The following PCSK1 variants were observed in gnomAD, a reference collection of about 807,000 sequenced individuals.
PCSK1 encodes proprotein convertase subtilisin/kexin type 1.
A neutral mutation model predicts 90.6 loss-of-function variants in PCSK1; 56 were observed. That is an observed-to-expected ratio of 0.62 (90% CI 0.50 to 0.77). The LOEUF is 0.77. Ranked by LOEUF, PCSK1 falls within the 30% of genes least tolerant of loss-of-function variation. The pLI is 0.00. For synonymous variants in PCSK1, 348 were observed against 342.4 expected (o/e 1.02, Z -0.18); for missense variants, 801 against 932.6 (o/e 0.86, Z 1.84).
intron 9 of PCSK1, among the ~76,000 whole-genome samples, chr5:96,403,733 A>G (rs1386243780): frequency 6.6e-6 from 1 of 152,236 alleles, no homozygotes; most frequent in Non-Finnish European, 1.5e-5. Context: ...CTTAGGAGCT[A>G]TCTGGTTCAG....
At chr5:96,394,637 T>G (rs1760067134) in intron 13 of PCSK1, among the ~76,000 whole-genome samples, 1 of 152,214 alleles carries the variant, frequency 6.6e-6, no homozygotes, top group African/African-American at 2.4e-5. Flanking sequence ...TGTTAGGAAA[T>G]TTAATACTTT....
intron 9 of PCSK1, among the ~76,000 whole-genome samples, chr5:96,402,932 A>G (rs532987484): frequency 2.0e-5 from 3 of 152,252 alleles, no homozygotes; most frequent in Middle Eastern, 6.8e-3. Context: ...ATTTTATTGA[A>G]ATGCTTGCTT....
intron 13 of PCSK1, among the ~76,000 whole-genome samples, chr5:96,393,974 C>A (rs1428058252): frequency 6.6e-6 from 1 of 152,194 alleles, no homozygotes; most frequent in African/African-American, 2.4e-5. Flanking sequence ...ACAAGGTTAA[C>A]CTGCTTCCCA....
At chr5:96,415,759 C>T (rs1760919484) in intron 6 of PCSK1, among the ~76,000 whole-genome samples, 1 of 152,168 alleles carries the variant, frequency 6.6e-6, no homozygotes, top group East Asian at 1.9e-4. Flanking sequence ...TAAATCAGAA[C>T]ATAGAGAAAA....
intron 1 of PCSK1, among the ~76,000 whole-genome samples, chr5:96,431,733 G>T (rs1761505209): frequency 6.6e-6 from 1 of 152,224 alleles, no homozygotes; most frequent in South Asian, 2.1e-4. Flanking sequence ...CAGAGGGTTC[G>T]GTCTACAGAA....
rs1245519126 is a variant in PCSK1 at position 96,412,341 on chromosome 5, C to T, written c.859G>A (p.Ala287Thr). 1 of 1,614,064 alleles carries T rather than the reference C, an allele frequency of 6.2e-7. No individual in the cohort carries two copies. The highest frequency in any genetic ancestry group is 8.5e-7 in the Non-Finnish European group (1 of 1,180,034). ...VEGPGRLAQK[A>T]FEYGVKQGRQ... ...ACCTGTTTGACACCATATTCAAAAG[C>T]CTTCTGGGCTAGCCGGCCAGGCCCC... The change falls in exon 7 of 14, where the codon GCT becomes ACT. Residue 287 changes from alanine (A) to threonine (T), a missense_variant. Physicochemically the swap from Ala to Thr is moderately conservative, Grantham distance 58 (BLOSUM62 0). Transcript: ENST00000311106.
intron 12 of PCSK1, among the ~76,000 whole-genome samples, chr5:96,395,398 C>T (rs909917575): frequency 6.6e-6 from 1 of 152,194 alleles, no homozygotes; most frequent in Non-Finnish European, 1.5e-5. Context: ...TATAAACAAC[C>T]TCTAGCATTA....
At chr5:96,396,721 T>C (rs1247615269) in intron 12 of PCSK1, among the ~76,000 whole-genome samples, 7 of 152,226 alleles carry the variant, frequency 4.6e-5, no homozygotes, top group South Asian at 2.1e-4. Context: ...TTAAGCTATA[T>C]TTGGCTTTTT....
rs11956660 is a variant in PCSK1, at chr5:96,430,387, C to T, written c.181-1070G>A. ...TGTTCTTTAAATTGGTGATTCTCAT[C>T]GCCCAGAGAATTTTAAAATAGAGAA... On this transcript the variant is annotated intron_variant, in intron 1 of 13. Coordinates refer to ENST00000311106, the MANE Select transcript of PCSK1 (RefSeq NM_000439.5). Among the ~76,000 whole-genome samples, 1,415 of 152,260 alleles carry T rather than the reference C, an allele frequency of 9.3e-3. 27 individuals carry two copies. The highest frequency in any genetic ancestry group is 0.033 in the African/African-American group (1,364 of 41,538).
intron 1 of PCSK1, among the ~76,000 whole-genome samples, chr5:96,431,583 G>A (rs1232883964): frequency 6.6e-6 from 1 of 152,144 alleles, no homozygotes; most frequent in African/African-American, 2.4e-5. Context: ...CGAGGGCAAG[G>A]GCTGGCCAAA....
chr5:96,412,770 T>TTTTTTTTTTTTTTTTTTTTTTG (rs1760812081), intron 6 of PCSK1, among the ~76,000 whole-genome samples: 1 of 147,978 alleles, frequency 6.8e-6, no homozygotes, highest in African/African-American at 2.6e-5. Flanking sequence ...TTTTTTTTTT[T>TTTTTTTTTTTTTTTTTTTTTTG]TTTTTGGTCC....
At position 96,393,206 on chromosome 5, in the gene PCSK1, T is replaced by C; in HGVS notation, c.2057A>G (p.Lys686Arg). 6.2e-7 allele frequency: 1 copy of C among 1,614,154 alleles called. No homozygotes were observed. The highest frequency in any genetic ancestry group is 1.1e-5 in the South Asian group (1 of 91,070). Reference sequence around the variant, plus strand: ...GTTGAGCTTTGCACTTGGGGACTTCTTTGGTGATTGCTTTGGCGGTGAGTT... The same window carrying C: ...GTTGAGCTTTGCACTTGGGGACTTCCTTGGTGATTGCTTTGGCGGTGAGTT... The part of the protein sequence containing the change: ...SKNSPPKQSP[K>R]KSPSAKLNIP... The change falls in exon 14 of 14, where the codon AAG (lysine) becomes AGG (arginine). Residue 686 changes from lysine (K) to arginine (R), a missense_variant. Coordinates refer to ENST00000311106, the MANE Select transcript of PCSK1 (RefSeq NM_000439.5).
At chr5:96,414,204 C>A (rs965754359) in intron 6 of PCSK1, among the ~76,000 whole-genome samples, 1 of 151,762 alleles carries the variant, frequency 6.6e-6, no homozygotes, top group Admixed American at 6.6e-5. Flanking sequence ...AGCCAGTTAA[C>A]CCTCTGTGCC....
intron 13 of PCSK1, 114 bp from the exon 14 acceptor site, chr5:96,393,492 G>C: frequency 8.1e-7 from 1 of 1,234,128 alleles, no homozygotes; most frequent in Non-Finnish European, 1.2e-6. Context: ...GCAATGAGGG[G>C]AGGGGAGAGA....
chr5:96,414,928 G>T (rs940512759), intron 6 of PCSK1, among the ~76,000 whole-genome samples: 1 of 152,136 alleles, frequency 6.6e-6, no homozygotes, highest in Non-Finnish European at 1.5e-5. Flanking sequence ...ATGTCACGAT[G>T]TATATTTATT....
chr5:96,394,855 C>T lies in PCSK1; in HGVS notation c.1884+9G>A. On this transcript the variant is annotated intron_variant, in intron 13 of 13. Coordinates refer to ENST00000311106, the MANE Select transcript of PCSK1 (RefSeq NM_000439.5). ...AAAGAGAGCATGCCAAGAACAGAGC[C>T]ACACAGACCTCCCCTGGATCCACCA... The T allele has an allele frequency of 6.2e-7, 1 of 1,613,782 alleles. No individual in the cohort carries two copies. The highest frequency in any genetic ancestry group is 2.2e-5 in the East Asian group (1 of 44,858).
Position 96,401,186 on chromosome 5 carries a change from C to T in PCSK1, c.1197-1000G>A, listed in dbSNP as rs527258144. On this transcript the variant is annotated intron_variant, in intron 9 of 13. Coordinates refer to ENST00000311106, the MANE Select transcript of PCSK1 (RefSeq NM_000439.5). ...GGTGAGTGCTATATTCATAGCTTAA[C>T]GCATTGTGGGAGTTTAGAGTAGAAA... is the stretch of plus-strand genomic sequence containing the variant. Among the ~76,000 whole-genome samples, 10 of 149,288 alleles carry T rather than the reference C, an allele frequency of 6.7e-5. No homozygotes were observed. In the South Asian group the frequency reaches 1.5e-3, roughly 22 times the overall value.
At chr5:96,424,473 G>A (rs1157751734) in intron 3 of PCSK1, among the ~76,000 whole-genome samples, 3 of 152,158 alleles carry the variant, frequency 2.0e-5, no homozygotes, top group African/African-American at 4.8e-5. Context: ...ATGGATTTTG[G>A]CAAATTATTC....
At chr5:96,414,925 G>A (rs1443589611) in intron 6 of PCSK1, among the ~76,000 whole-genome samples, 2 of 152,104 alleles carry the variant, frequency 1.3e-5, no homozygotes, top group Non-Finnish European at 2.9e-5. Flanking sequence ...TACATGTCAC[G>A]ATGTATATTT....
Sources: gnomAD v4.1 joint callset for allele counts (sites outside exome capture counted in the v4.1 genomes callset) on GRCh38, gnomAD v4.1.1 for gene constraint, MANE v1.5 for transcripts, NCBI Gene and HGNC (gene_info 2026-07-23, HGNC 2026-07-21) for gene names.